SETD7: variants seen among roughly 807,000 people sequenced by gnomAD.
SETD7 encodes histone-lysine N-methyltransferase SETD7.
Under a neutral mutation model 41.8 loss-of-function variants are expected in SETD7, and 16 were observed. The observed-to-expected ratio is 0.38, with a 90% CI of 0.26 to 0.58. The LOEUF (loss-of-function observed/expected upper bound fraction) is 0.58. SETD7 is among the 20% of genes least tolerant of loss of function. The pLI is 0.64. For synonymous variants in SETD7, 163 were observed against 169.7 expected (o/e 0.96, Z 0.31); for missense variants, 346 against 459.7 (o/e 0.75, Z 2.26).
At chr4:139,539,884 C>A (rs1252673206) in intron 2 of SETD7, among the ~76,000 whole-genome samples, 1 of 152,158 alleles carries the variant, frequency 6.6e-6, no homozygotes, top group Non-Finnish European at 1.5e-5. Flanking sequence ...TGGACATCTA[C>A]AAACCAGGAA....
chr4:139,520,260 C>A lies in SETD7; in HGVS notation c.762+17G>T, dbSNP rs1727143060. 4 of 1,366,490 alleles carry A rather than the reference C, an allele frequency of 2.9e-6. No individual in the cohort carries two copies. In the East Asian group the frequency reaches 9.7e-5, roughly 33 times the overall value. The allele number at this position is 1,366,490 out of a possible 1,614,324, so 84.6% of individuals were successfully genotyped here. On this transcript the variant is annotated intron_variant, in intron 6 of 7. Coordinates refer to ENST00000274031, the MANE Select transcript of SETD7 (RefSeq NM_030648.4). ...TTTAACCAACAAAGTTGATTTTCCA[C>A]TGTCAGCCCCACTCACCTCTTGGTG...
intron 4 of SETD7, among the ~76,000 whole-genome samples, chr4:139,525,699 A>T (rs1054410135): frequency 6.6e-6 from 1 of 152,160 alleles, no homozygotes; most frequent in African/African-American, 2.4e-5. Context: ...TTTATGTGAG[A>T]TATTTGCATT....
intron 7 of SETD7, among the ~76,000 whole-genome samples, chr4:139,516,103 A>AG (rs1727017212): frequency 6.6e-6 from 1 of 152,226 alleles, no homozygotes; most frequent in Non-Finnish European, 1.5e-5. Flanking sequence ...CATGGGACAC[A>AG]GGAAAAAAAG....
chr4:139,519,900 A>G (rs762522388), intron 6 of SETD7, among the ~76,000 whole-genome samples: 14 of 152,236 alleles, frequency 9.2e-5, no homozygotes, highest in Non-Finnish European at 4.4e-5. Flanking sequence ...CTTCCTGACA[A>G]AATGTAGGAT....
intron 2 of SETD7, among the ~76,000 whole-genome samples, chr4:139,539,531 T>C (rs1560689263): frequency 6.6e-6 from 1 of 152,240 alleles, no homozygotes; most frequent in Non-Finnish European, 1.5e-5. Flanking sequence ...TCTTTTTCTA[T>C]CCTTTAAGAA....
At chr4:139,514,977 C>G (rs1726983344) in intron 7 of SETD7, among the ~76,000 whole-genome samples, 1 of 152,096 alleles carries the variant, frequency 6.6e-6, no homozygotes, top group Non-Finnish European at 1.5e-5. Flanking sequence ...GCCACCCTTA[C>G]CAACATGGCA....
chr4:139,533,283 G>A lies in SETD7; in HGVS notation c.254C>T (p.Thr85Met), dbSNP rs139666025. Residue 85 changes from threonine to methionine, a missense_variant, in exon 3 of 8, where the codon ACG becomes ATG. Transcript: ENST00000274031. ...ACCGTTCAGCTCTCCGTCTACATAC[G>A]TGCCCTGGAGAACTCCCCCATCTTC... ...TYEDGGVLQG[T>M]YVDGELNGPA... is the part of the protein sequence containing the mutation. 140 of 1,613,856 alleles carry A rather than the reference G, an allele frequency of 8.7e-5. No homozygotes were observed. Among genetic ancestry groups the A allele is most frequent in the Non-Finnish European group, 6.7e-5 (79 of 1,179,994 alleles).
intron 3 of SETD7, among the ~76,000 whole-genome samples, chr4:139,531,936 A>G (rs1013751877): frequency 6.6e-6 from 1 of 152,144 alleles, no homozygotes; most frequent in South Asian, 2.1e-4. Context: ...TACTAAAAAT[A>G]CAAAAAAATT....
intron 2 of SETD7, among the ~76,000 whole-genome samples, chr4:139,537,219 C>T (rs1032371506): frequency 1.3e-5 from 2 of 152,192 alleles, no homozygotes; most frequent in East Asian, 3.9e-4. Context: ...AAGTGATCTG[C>T]CCACCTCGGC....
chr4:139,498,273 G>T (rs1452805361), intron 7 of SETD7, among the ~76,000 whole-genome samples: 1 of 152,114 alleles, frequency 6.6e-6, no homozygotes, highest in African/African-American at 2.4e-5. Context: ...CCTTTCACAT[G>T]CAACCTAACC....
chr4:139,517,548 CTAT>C (rs1298502148), intron 7 of SETD7, among the ~76,000 whole-genome samples: 1 of 149,992 alleles, frequency 6.7e-6, no homozygotes, highest in African/African-American at 2.5e-5. Context: ...TAAATTTTTA[CTAT>C]TATTTCAAAT....
At chr4:139,541,283 A>G (rs533668681) in intron 2 of SETD7, among the ~76,000 whole-genome samples, 1 of 152,226 alleles carries the variant, frequency 6.6e-6, no homozygotes, top group Non-Finnish European at 1.5e-5. Context: ...GATTGTGAAA[A>G]GTCTTGCCTT....
At chr4:139,525,374 GCACATCCTTTACTTTTACAGATTTTA>G (rs1296981562) in intron 4 of SETD7, among the ~76,000 whole-genome samples, 3 of 152,152 alleles carry the variant, frequency 2.0e-5, no homozygotes, top group Non-Finnish European at 4.4e-5. Flanking sequence ...CAGGCTGCAG[GCACATCCTTTACTTTTACAGATTTTA>G]CACATCCTTT....
chr4:139,500,305 C>A (rs889892420), intron 7 of SETD7, among the ~76,000 whole-genome samples: 2 of 152,144 alleles, frequency 1.3e-5, no homozygotes, highest in African/African-American at 4.8e-5. Flanking sequence ...TCATCATGAA[C>A]CCCCTGCTTC....
chr4:139,541,512 C>G (rs879559505), intron 2 of SETD7, among the ~76,000 whole-genome samples: 4 of 152,216 alleles, frequency 2.6e-5, no homozygotes, highest in African/African-American at 4.8e-5. Flanking sequence ...TGTCACCACG[C>G]TGCATCAATT....
Position 139,533,304 on chromosome 4 carries a change from T to C in SETD7, c.233A>G (p.Asp78Gly). 1 of 1,614,156 alleles carries C rather than the reference T, an allele frequency of 6.2e-7. No individual in the cohort carries two copies. The highest frequency in any genetic ancestry group is 8.5e-7 in the Non-Finnish European group (1 of 1,180,022). ...ATACGTGCCCTGGAGAACTCCCCCA[T>C]CTTCGTAAGTGTAAACTCCCTGGCC... is the stretch of plus-strand genomic sequence containing the variant. Reference protein sequence around the residue: ...LQGQGVYTYEDGGVLQGTYVD... With the variant: ...LQGQGVYTYEGGGVLQGTYVD... The change falls in exon 3 of 8, where the codon GAT becomes GGT. Residue 78 changes from aspartate to glycine, a missense_variant. Coordinates refer to ENST00000274031, the MANE Select transcript of SETD7 (RefSeq NM_030648.4).
At chr4:139,524,163 A>G (rs1727256898) in intron 4 of SETD7, among the ~76,000 whole-genome samples, 1 of 152,224 alleles carries the variant, frequency 6.6e-6, no homozygotes. Flanking sequence ...GGGAAAACTC[A>G]TAATCCCATT....
chr4:139,498,760 C>T (rs1370841244), intron 7 of SETD7, among the ~76,000 whole-genome samples: 9 of 152,184 alleles, frequency 5.9e-5, no homozygotes, highest in Non-Finnish European at 4.4e-5. Context: ...ACTATTTTTC[C>T]CCAAAGCCAG....
rs2111113535 is a variant in SETD7 at position 139,506,040 on chromosome 4, A to T, written c.*5623T>A. The T allele has an allele frequency of 6.5e-6, 1 of 152,780 alleles. No individual in the cohort carries two copies. The highest frequency in any genetic ancestry group is 3.4e-3 in the Middle Eastern group (1 of 294). The allele number at this position is 152,780 out of a possible 1,614,324, so 9.5% of individuals were successfully genotyped here. A position where few individuals can be genotyped will look rare whatever the true frequency, so the allele number is the denominator to read the frequency against. On this transcript the variant is annotated 3_prime_UTR_variant, in exon 8 of 8. Transcript: ENST00000274031. ...GACCAAAGGAAGACAATGACAGATG[A>T]TTGTATATTTTGTTTAATACTTGCA...
Sources: allele counts gnomAD v4.1 joint callset (sites outside exome capture counted in the v4.1 genomes callset), GRCh38; gene constraint gnomAD v4.1.1; transcripts MANE v1.5; gene names NCBI Gene and HGNC (gene_info 2026-07-23, HGNC 2026-07-21).